The following RBFOX1 variants were observed in gnomAD, a reference collection of about 807,000 sequenced individuals.
RBFOX1 encodes the protein RNA binding fox-1 homolog 1.
RBFOX1 carries 8 observed loss-of-function variants against 57.7 expected under a neutral mutation model. The ratio of observed to expected loss-of-function variants is 0.14; its 90% CI spans 0.08 to 0.25. The LOEUF (loss-of-function observed/expected upper bound fraction) is 0.25, where lower values mean the gene tolerates loss of function less well. Among genes scored for constraint, RBFOX1 ranks in the 10% least tolerant of loss-of-function variants. RBFOX1 has a pLI of 1.00. For synonymous variants in RBFOX1, 326 were observed against 222.4 expected, an observed-to-expected ratio of 1.47 and a Z score of -4.15; for missense variants, 611 against 548.5, an observed-to-expected ratio of 1.11 and a Z score of -1.14.
chr16:5,762,897 G>A (rs2053638666), intron 3 of RBFOX1, among the ~76,000 whole-genome samples: 1 of 152,122 alleles, frequency 6.6e-6, no homozygotes, highest in African/African-American at 2.4e-5. Flanking sequence ...AATAAAATTG[G>A]GAAGAAAACC....
At chr16:5,898,104 T>C (rs2058211465) in intron 4 of RBFOX1, among the ~76,000 whole-genome samples, 1 of 152,112 alleles carries the variant, frequency 6.6e-6, no homozygotes, top group Non-Finnish European at 1.5e-5. Flanking sequence ...AGCAAACCTG[T>C]CCTTCTTCAC....
intron 3 of RBFOX1, among the ~76,000 whole-genome samples, chr16:6,922,160 A>G (rs2074597217): frequency 6.6e-6 from 1 of 152,040 alleles, no homozygotes; most frequent in African/African-American, 2.4e-5. Context: ...ACAGGGGAGG[A>G]TGTGAAATGG....
intron 4 of RBFOX1, among the ~76,000 whole-genome samples, chr16:5,909,334 C>A (rs982769777): frequency 6.6e-6 from 1 of 152,070 alleles, no homozygotes; most frequent in East Asian, 1.9e-4. Context: ...CCTCATCATC[C>A]GCATGCCTTG....
intron 1 of RBFOX1, among the ~76,000 whole-genome samples, chr16:6,061,413 TATA>T (rs150548155): frequency 0.011 from 1,613 of 152,226 alleles, 34 homozygotes; most frequent in African/African-American, 0.037. Context: ...TATATGTCTA[TATA>T]ATGTTTTGTT....
rs4786913 is a variant in RBFOX1 at position 6,696,302 on chromosome 16, C to T, written c.-16+41652C>T. On this transcript the variant is annotated intron_variant, in intron 3 of 15. Transcript: ENST00000550418. ...CTTATCTCCAAACTAAGTGAAATAT[C>T]TCTGACTTTTTCTTAGAAGTTTTCT... is the stretch of plus-strand genomic sequence containing the variant. Among the ~76,000 whole-genome samples, 7 of 151,944 alleles carry T rather than the reference C, an allele frequency of 4.6e-5. No homozygotes were observed. In the East Asian group the frequency reaches 1.4e-3, roughly 30 times the overall value.
intron 3 of RBFOX1, among the ~76,000 whole-genome samples, chr16:6,961,205 G>A (rs542823557): frequency 1.4e-5 from 2 of 142,218 alleles, no homozygotes; most frequent in South Asian, 2.2e-4. Flanking sequence ...TTAAATGCAT[G>A]GGATAGTAAG....
intron 3 of RBFOX1, among the ~76,000 whole-genome samples, chr16:6,790,184 T>TTATTATTATTATTAG (rs1555469972): frequency 6.8e-6 from 1 of 147,168 alleles, no homozygotes; most frequent in African/African-American, 2.5e-5. Flanking sequence ...ATTATTATTA[T>TTATTATTATTATTAG]TATTATTATT....
intron 4 of RBFOX1, among the ~76,000 whole-genome samples, chr16:7,359,618 G>A (rs886782526): frequency 1.3e-5 from 2 of 152,174 alleles, no homozygotes; most frequent in African/African-American, 2.4e-5. Flanking sequence ...TGCTTCCCCT[G>A]TCCACAATGG....
intron 3 of RBFOX1, among the ~76,000 whole-genome samples, chr16:5,665,996 G>A (rs554354940): frequency 2.6e-5 from 4 of 152,348 alleles, no homozygotes; most frequent in African/African-American, 4.8e-5. Context: ...GGCCCCAGCC[G>A]TCAAAACTGC....
intron 1 of RBFOX1, among the ~76,000 whole-genome samples, chr16:6,142,332 C>T (rs1031972227): frequency 4.0e-5 from 6 of 151,150 alleles, no homozygotes; most frequent in African/African-American, 1.5e-4. Flanking sequence ...CGCCATTCTC[C>T]TGTCTCAGCC....
chr16:6,013,181 C>T (rs1596403541), intron 4 of RBFOX1, among the ~76,000 whole-genome samples: 1 of 152,116 alleles, frequency 6.6e-6, no homozygotes, highest in Non-Finnish European at 1.5e-5. Context: ...CGCAGGCTGT[C>T]CTACTCATGA....
chr16:6,915,079 T>C (rs2072774385), intron 3 of RBFOX1, among the ~76,000 whole-genome samples: 1 of 152,208 alleles, frequency 6.6e-6, no homozygotes. Flanking sequence ...TTGACTAATG[T>C]GTGAACTGCA....
intron 3 of RBFOX1, among the ~76,000 whole-genome samples, chr16:6,859,153 GTA>G (rs549747996): frequency 0.17 from 13,337 of 78,078 alleles, 1,465 homozygotes; most frequent in Admixed American, 0.23. Flanking sequence ...ATATATATAT[GTA>G]TATATATACG....
intron 3 of RBFOX1, among the ~76,000 whole-genome samples, chr16:5,608,375 A>G (rs8046239): frequency 0.28 from 42,598 of 151,808 alleles, 6,324 homozygotes; most frequent in African/African-American, 0.37. Flanking sequence ...TGGAGGTGTG[A>G]GGGTCCACAC....
At chr16:5,909,152 G>C (rs1045013805) in intron 4 of RBFOX1, among the ~76,000 whole-genome samples, 5 of 143,362 alleles carry the variant, frequency 3.5e-5, no homozygotes, top group African/African-American at 1.3e-4. Context: ...GAGTGCAGTG[G>C]TGCGGTCTGG....
intron 2 of RBFOX1, among the ~76,000 whole-genome samples, chr16:6,376,599 T>C (rs1371250228): frequency 6.6e-6 from 1 of 152,150 alleles, no homozygotes; most frequent in Admixed American, 6.5e-5. Flanking sequence ...CCTCTATGTG[T>C]GTATCTCTGT....
chr16:5,820,811 A>G (rs1020293848), intron 3 of RBFOX1, among the ~76,000 whole-genome samples: 1 of 152,140 alleles, frequency 6.6e-6, no homozygotes, highest in Non-Finnish European at 1.5e-5. Context: ...GCCAGTCTAG[A>G]TCCAGCCCTC....
intron 7 of RBFOX1, among the ~76,000 whole-genome samples, chr16:7,590,919 T>C (rs2094413278): frequency 6.8e-6 from 1 of 146,698 alleles, no homozygotes; most frequent in African/African-American, 2.5e-5. Context: ...TAGATATCAG[T>C]AAGTATTTGC....
chr16:6,914,707 G>T (rs1435597719), intron 3 of RBFOX1, among the ~76,000 whole-genome samples: 1 of 152,122 alleles, frequency 6.6e-6, no homozygotes, highest in African/African-American at 2.4e-5. Context: ...GATCCCATCT[G>T]TACCAATAAG....
Sources: allele counts gnomAD v4.1 joint callset (sites outside exome capture counted in the v4.1 genomes callset), GRCh38; gene constraint gnomAD v4.1.1; transcripts MANE v1.5; gene names NCBI Gene and HGNC (gene_info 2026-07-23, HGNC 2026-07-21).